ADAMTS20: variants seen among roughly 807,000 people sequenced by gnomAD.
ADAMTS20 encodes ADAM metallopeptidase with thrombospondin type 1 motif 20, also known as A disintegrin and metalloproteinase with thrombospondin motifs 20.
Under a neutral mutation model 260.1 loss-of-function variants are expected in ADAMTS20, and 225 were observed. That is an observed-to-expected ratio of 0.87 (90% CI 0.78 to 0.97). ADAMTS20 has a LOEUF of 0.97. Ranked by LOEUF, ADAMTS20 falls within the 50% of genes least tolerant of loss-of-function variation. The pLI is 0.00. For synonymous variants in ADAMTS20, 802 were observed against 769.5 expected, an observed-to-expected ratio of 1.04 and a Z score of -0.70; for missense variants, 2,400 against 2,337.7, an observed-to-expected ratio of 1.03 and a Z score of -0.55.
intron 29 of ADAMTS20, among the ~76,000 whole-genome samples, chr12:43,395,999 C>T (rs1038959393): frequency 1.3e-5 from 2 of 151,780 alleles, no homozygotes; most frequent in African/African-American, 4.8e-5. Flanking sequence ...AGCTGCTATT[C>T]CCAAATAGAT....
intron 31 of ADAMTS20, among the ~76,000 whole-genome samples, chr12:43,377,810 G>A (rs1477978384): frequency 6.6e-6 from 1 of 151,958 alleles, no homozygotes; most frequent in Non-Finnish European, 1.5e-5. Context: ...GCGTGTGTGT[G>A]TGTGTGTGTT....
intron 29 of ADAMTS20, among the ~76,000 whole-genome samples, chr12:43,396,533 C>T (rs1030103936): frequency 3.9e-5 from 6 of 152,134 alleles, no homozygotes; most frequent in African/African-American, 1.4e-4. Context: ...AAGGCAATGA[C>T]TTCACAAGTG....
chr12:43,370,969 C>T (rs1940095224), intron 36 of ADAMTS20, among the ~76,000 whole-genome samples: 1 of 152,140 alleles, frequency 6.6e-6, no homozygotes, highest in Non-Finnish European at 1.5e-5. Context: ...TCTGTTCTGC[C>T]TCCAACCAAC....
At chr12:43,457,336 GTCCAGA>G (rs1263980455) in intron 11 of ADAMTS20, among the ~76,000 whole-genome samples, 8 of 151,974 alleles carry the variant, frequency 5.3e-5, no homozygotes, top group Middle Eastern at 3.4e-3. Flanking sequence ...GTCACTTCTA[GTCCAGA>G]TCTCTCTCTT....
intron 28 of ADAMTS20, among the ~76,000 whole-genome samples, chr12:43,419,242 G>C (rs988869331): frequency 2.9e-4 from 44 of 151,564 alleles, no homozygotes; most frequent in African/African-American, 9.4e-4. Flanking sequence ...CATATATATG[G>C]GCACATTCTC....
chr12:43,500,932 A>T (rs1197903131), intron 4 of ADAMTS20, among the ~76,000 whole-genome samples: 1 of 152,120 alleles, frequency 6.6e-6, no homozygotes, highest in Non-Finnish European at 1.5e-5. Context: ...TATCCTATAG[A>T]TATGCCCTTG....
Position 43,376,701 on chromosome 12 carries a change from G to C in ADAMTS20, c.4996-48C>G, listed in dbSNP as rs767449601. 6.4e-6 allele frequency: 10 copies of C among 1,562,552 alleles called. No homozygotes were observed. In the South Asian group the frequency reaches 8.6e-5, roughly 13 times the overall value. On this transcript the variant is annotated intron_variant, in intron 32 of 38. Coordinates refer to ENST00000389420, the MANE Select transcript of ADAMTS20 (RefSeq NM_025003.5). ...AGGCAAACTATATTATGAATCTTAA[G>C]GCCATAAAATCCAAGTCTCCTTTTC... is the stretch of plus-strand genomic sequence containing the variant.
At chr12:43,513,740 G>A (rs921571365) in intron 3 of ADAMTS20, among the ~76,000 whole-genome samples, 6 of 152,048 alleles carry the variant, frequency 3.9e-5, no homozygotes, top group African/African-American at 1.4e-4. Flanking sequence ...CATAAAAAAT[G>A]ATGAGTTCGT....
intron 35 of ADAMTS20, 32 bp from the exon 36 acceptor site, chr12:43,375,544 A>T (rs1327222811): frequency 4.3e-6 from 7 of 1,610,166 alleles, no homozygotes; most frequent in Non-Finnish European, 5.9e-6. Flanking sequence ...TTAGTATTAG[A>T]TGCAGTTACG....
chr12:43,385,821 T>A (rs566321984), intron 29 of ADAMTS20, among the ~76,000 whole-genome samples: 6 of 152,296 alleles, frequency 3.9e-5, no homozygotes, highest in South Asian at 2.1e-4. Context: ...AATTACTACC[T>A]CAATTTCGGA....
chr12:43,430,143 TA>T (rs11397756), intron 23 of ADAMTS20, among the ~76,000 whole-genome samples: 611 of 127,244 alleles, frequency 4.8e-3, no homozygotes, highest in Middle Eastern at 0.034. Flanking sequence ...AGATAAAGAG[TA>T]AAAAAAAAAA....
intron 3 of ADAMTS20, among the ~76,000 whole-genome samples, chr12:43,523,035 G>A (rs1038907164): frequency 6.6e-6 from 1 of 152,160 alleles, no homozygotes; most frequent in African/African-American, 2.4e-5. Context: ...TTCATCTTAT[G>A]TGCTAAATCT....
chr12:43,371,760 G>T (rs2137203434), intron 36 of ADAMTS20, among the ~76,000 whole-genome samples: 1 of 152,312 alleles, frequency 6.6e-6, no homozygotes. Flanking sequence ...GCTCAGGGCA[G>T]CAGAAAACTG....
At chr12:43,480,061 A>G (rs1942418154) in intron 7 of ADAMTS20, among the ~76,000 whole-genome samples, 1 of 152,178 alleles carries the variant, frequency 6.6e-6, no homozygotes, top group African/African-American at 2.4e-5. Context: ...ATATCTAGAA[A>G]GAATAACTTT....
At chr12:43,355,770 T>C (rs966077256) in intron 38 of ADAMTS20, among the ~76,000 whole-genome samples, 5 of 152,170 alleles carry the variant, frequency 3.3e-5, no homozygotes, top group Admixed American at 1.3e-4. Context: ...TTTCATGAAG[T>C]GTACATGTTA....
intron 2 of ADAMTS20, among the ~76,000 whole-genome samples, chr12:43,534,720 A>G (rs1943270445): frequency 6.6e-6 from 1 of 152,208 alleles, no homozygotes; most frequent in African/African-American, 2.4e-5. Context: ...ACCAAAACAA[A>G]AAAAACTACT....
chr12:43,361,112 A>G (rs1414998463), intron 37 of ADAMTS20, among the ~76,000 whole-genome samples: 1 of 152,198 alleles, frequency 6.6e-6, no homozygotes, highest in Non-Finnish European at 1.5e-5. Context: ...GGCGAAGTTT[A>G]TTTTCCCTAA....
At chr12:43,378,974 T>G (rs1229806434) in intron 31 of ADAMTS20, among the ~76,000 whole-genome samples, 1 of 152,196 alleles carries the variant, frequency 6.6e-6, no homozygotes, top group Non-Finnish European at 1.5e-5. Context: ...TGGTTTAACT[T>G]CTCCTATTTC....
At chr12:43,510,250 G>C (rs889430637) in intron 3 of ADAMTS20, among the ~76,000 whole-genome samples, 11 of 150,776 alleles carry the variant, frequency 7.3e-5, no homozygotes, top group African/African-American at 2.2e-4. Context: ...GAGCCTAAAA[G>C]GTATACACCC....
Sources: allele counts gnomAD v4.1 joint callset (sites outside exome capture counted in the v4.1 genomes callset), GRCh38; gene constraint gnomAD v4.1.1; transcripts MANE v1.5; gene names NCBI Gene and HGNC (gene_info 2026-07-23, HGNC 2026-07-21).